Variants in MAGI2 observed in about 807,000 individuals in gnomAD.
The protein encoded by MAGI2 is membrane associated guanylate kinase, WW and PDZ domain containing 2.
Under a neutral mutation model 133.3 loss-of-function variants are expected in MAGI2, and 35 were observed. The ratio of observed to expected loss-of-function variants is 0.26; its 90% CI spans 0.20 to 0.35. The LOEUF is 0.35. MAGI2 is among the 10% of genes least tolerant of loss of function. The probability of loss-of-function intolerance (pLI) is 1.00; values close to 1 mark genes in which losing one functional copy is unlikely to be tolerated. For missense variants in MAGI2, 1,636 were observed against 1,863.4 expected (o/e 0.88, Z 2.25); for synonymous variants, 729 against 710.6 (o/e 1.03, Z -0.41).
At chr7:78,656,209 C>T (rs958830205) in intron 2 of MAGI2, among the ~76,000 whole-genome samples, 1 of 152,070 alleles carries the variant, frequency 6.6e-6, no homozygotes, top group Admixed American at 6.5e-5. Flanking sequence ...TTGCTTTAGG[C>T]AAGTTACATG....
Position 79,287,356 on chromosome 7 carries a change from T to A in MAGI2, c.301+165664A>T, listed in dbSNP as rs189032558. ...ATTATTATATTCATATTCACTAAGATTCTCTAAGAGGGGCATATTGAAAAC... is the reference window on the plus strand; with the variant it reads ...ATTATTATATTCATATTCACTAAGAATCTCTAAGAGGGGCATATTGAAAAC... On this transcript the variant is annotated intron_variant, in intron 1 of 21. Coordinates refer to ENST00000354212, the MANE Select transcript of MAGI2 (RefSeq NM_012301.4). 1.1e-3 allele frequency among the ~76,000 whole-genome samples: 169 copies of A among 152,218 alleles called. 1 individual carries two copies. Among genetic ancestry groups the A allele is most frequent in the Non-Finnish European group, 1.8e-3 (121 of 68,014 alleles).
At chr7:78,589,114 T>C (rs762910100) in intron 3 of MAGI2, among the ~76,000 whole-genome samples, 21 of 152,184 alleles carry the variant, frequency 1.4e-4, no homozygotes, top group Non-Finnish European at 2.9e-4. Flanking sequence ...ACAGAGCTGT[T>C]TCCTGATAAT....
At chr7:78,864,045 T>C (rs1794359660) in intron 2 of MAGI2, among the ~76,000 whole-genome samples, 1 of 152,250 alleles carries the variant, frequency 6.6e-6, no homozygotes, top group African/African-American at 2.4e-5. Context: ...GATTTAATCA[T>C]GCCAAACATT....
chr7:78,271,483 A>T (rs780059496), intron 9 of MAGI2, among the ~76,000 whole-genome samples: 12 of 152,142 alleles, frequency 7.9e-5, no homozygotes, highest in Non-Finnish European at 1.6e-4. Context: ...TGAATTAGGG[A>T]GGATTCCTTC....
At position 78,521,430 on chromosome 7, in the gene MAGI2, C is replaced by G; in HGVS notation, c.754G>C (p.Glu252Gln). 1.2e-6 allele frequency: 2 copies of G among 1,612,372 alleles called. No homozygotes were observed. Among genetic ancestry groups the G allele is most frequent in the Non-Finnish European group, 1.7e-6 (2 of 1,179,060 alleles). ...GCCATAAAAAATGTAAATGACTAAC[C>G]TGGTGTTACTACTACTCCATTTCCA... ...VNGNGVVVTP[E>Q]SSEHEDKSAG... The change falls in exon 4 of 22, where the codon GAA (glutamate) becomes CAA (glutamine). Residue 252 changes from glutamate to glutamine, a missense_variant and splice_region_variant. Coordinates refer to ENST00000354212, the MANE Select transcript of MAGI2 (RefSeq NM_012301.4).
intron 2 of MAGI2, among the ~76,000 whole-genome samples, chr7:78,921,757 G>A (rs1022385476): frequency 6.6e-6 from 1 of 151,798 alleles, no homozygotes; most frequent in African/African-American, 2.4e-5. Flanking sequence ...TCAGCCTCCC[G>A]AGTAACTGGG....
intron 6 of MAGI2, among the ~76,000 whole-genome samples, chr7:78,429,720 A>T (rs898800760): frequency 1.3e-5 from 2 of 151,876 alleles, no homozygotes; most frequent in Non-Finnish European, 2.9e-5. Flanking sequence ...ATAATACTTA[A>T]TAATAATATA....
At chr7:78,188,320 T>C (rs1827885381) in intron 12 of MAGI2, among the ~76,000 whole-genome samples, 1 of 152,184 alleles carries the variant, frequency 6.6e-6, no homozygotes, top group African/African-American at 2.4e-5. Flanking sequence ...CTGATCTTCA[T>C]ATCAATATAA....
intron 1 of MAGI2, among the ~76,000 whole-genome samples, chr7:79,037,353 G>A (rs543569572): frequency 5.3e-5 from 8 of 152,108 alleles, no homozygotes; most frequent in East Asian, 3.9e-4. Context: ...TCATGACTAC[G>A]TACTAGGAAT....
At chr7:78,356,516 T>C (rs1792098207) in intron 7 of MAGI2, among the ~76,000 whole-genome samples, 1 of 152,352 alleles carries the variant, frequency 6.6e-6, no homozygotes, top group African/African-American at 2.4e-5. Flanking sequence ...ATGATGGATA[T>C]GCTAATTACC....
intron 9 of MAGI2, among the ~76,000 whole-genome samples, chr7:78,282,869 C>A (rs536981455): frequency 6.6e-6 from 1 of 151,970 alleles, no homozygotes; most frequent in East Asian, 1.9e-4. Context: ...AACATTAAAC[C>A]AAAATGGATC....
intron 1 of MAGI2, among the ~76,000 whole-genome samples, chr7:79,117,149 T>C (rs889506750): frequency 6.6e-6 from 1 of 152,182 alleles, no homozygotes; most frequent in African/African-American, 2.4e-5. Flanking sequence ...ATGCCTTAAT[T>C]GCTTCTATCT....
chr7:78,039,149 ACCTGGC>A (rs1449375886), intron 21 of MAGI2, among the ~76,000 whole-genome samples: 3 of 152,196 alleles, frequency 2.0e-5, no homozygotes, highest in Admixed American at 1.3e-4. Flanking sequence ...GCAGCCAAGT[ACCTGGC>A]CCTTCCTCTC....
chr7:78,069,539 G>GAGA (rs59893814), intron 21 of MAGI2, among the ~76,000 whole-genome samples: 1 of 134,644 alleles, frequency 7.4e-6, no homozygotes, highest in Non-Finnish European at 1.6e-5. Context: ...GAAAGAGAGA[G>GAGA]GAGAGAGAGA....
chr7:79,332,686 T>C (rs1170680904), intron 1 of MAGI2, among the ~76,000 whole-genome samples: 2 of 152,240 alleles, frequency 1.3e-5, no homozygotes, highest in Non-Finnish European at 2.9e-5. Flanking sequence ...AATACTAATT[T>C]GTACTGTGCT....
At chr7:78,270,356 C>A (rs1246369786) in intron 9 of MAGI2, among the ~76,000 whole-genome samples, 1 of 152,048 alleles carries the variant, frequency 6.6e-6, no homozygotes, top group Non-Finnish European at 1.5e-5. Context: ...TTATCTTGGG[C>A]AGTATGGCCA....
intron 2 of MAGI2, among the ~76,000 whole-genome samples, chr7:78,683,944 A>G (rs1815980679): frequency 6.6e-6 from 1 of 152,194 alleles, no homozygotes; most frequent in South Asian, 2.1e-4. Flanking sequence ...TGTTAAACTT[A>G]CAGATAATTT....
chr7:78,449,592 C>A (rs1800272657), intron 6 of MAGI2, among the ~76,000 whole-genome samples: 1 of 152,038 alleles, frequency 6.6e-6, no homozygotes, highest in South Asian at 2.1e-4. Flanking sequence ...AGTGTTCCAA[C>A]ATTAAATACT....
At chr7:78,962,508 T>C (rs11983680) in intron 2 of MAGI2, among the ~76,000 whole-genome samples, 4,541 of 150,506 alleles carry the variant, frequency 0.03, 259 homozygotes, top group East Asian at 0.17. Flanking sequence ...GCAATGCTTA[T>C]GTTTTTTTTT....
Sources: gnomAD v4.1 joint callset for allele counts (sites outside exome capture counted in the v4.1 genomes callset) on GRCh38, gnomAD v4.1.1 for gene constraint, MANE v1.5 for transcripts, NCBI Gene and HGNC (gene_info 2026-07-23, HGNC 2026-07-21) for gene names.